The following NRXN3 variants were observed in gnomAD, a reference collection of about 807,000 sequenced individuals.
NRXN3 encodes the protein neurexin 3.
In NRXN3, 32 loss-of-function variants were observed where a neutral mutation model predicts 137.6. That is an observed-to-expected ratio of 0.23 (90% CI 0.18 to 0.31). NRXN3 has a LOEUF of 0.31. Among genes scored for constraint, NRXN3 ranks in the 10% least tolerant of loss-of-function variants. The pLI is 1.00. For synonymous variants in NRXN3, 798 were observed against 784.5 expected (o/e 1.02, Z -0.29); for missense variants, 1,574 against 2,062.5 (o/e 0.76, Z 4.59).
intron 4 of NRXN3, among the ~76,000 whole-genome samples, chr14:78,411,488 G>A (rs904113634): frequency 2.0e-5 from 3 of 152,264 alleles, no homozygotes; most frequent in Admixed American, 6.5e-5. Context: ...TCCACATGGG[G>A]ATAATAATAC....
intron 6 of NRXN3, among the ~76,000 whole-genome samples, chr14:78,656,137 ATGCCAAGGACTG>A (rs1293179613): frequency 1.3e-5 from 2 of 152,162 alleles, no homozygotes; most frequent in Non-Finnish European, 2.9e-5. Flanking sequence ...AACCTATAAT[ATGCCAAGGACTG>A]TGCTAAAATA....
At chr14:79,121,750 C>A (rs1278971730) in intron 15 of NRXN3, among the ~76,000 whole-genome samples, 1 of 152,112 alleles carries the variant, frequency 6.6e-6, no homozygotes, top group Non-Finnish European at 1.5e-5. Context: ...CTAATGTGGA[C>A]TGAAGAACTA....
intron 15 of NRXN3, among the ~76,000 whole-genome samples, chr14:79,465,866 C>G (rs569468641): frequency 2.0e-5 from 3 of 152,326 alleles, no homozygotes; most frequent in African/African-American, 7.2e-5. Flanking sequence ...ATGGGTAACA[C>G]CACTTGCCTA....
chr14:78,869,381 A>G (rs2099095805), intron 10 of NRXN3, among the ~76,000 whole-genome samples: 2 of 152,122 alleles, frequency 1.3e-5, no homozygotes, highest in South Asian at 4.1e-4. Context: ...ACCATCATCC[A>G]GATTATTTAA....
chr14:78,171,359 T>TGC (rs1338330691), intron 1 of NRXN3, among the ~76,000 whole-genome samples: 9 of 151,642 alleles, frequency 5.9e-5, no homozygotes, highest in Non-Finnish European at 8.8e-5. Context: ...TGTGTGTGTG[T>TGC]GCGCGGGTGT....
chr14:79,537,975 A>G (rs1235489674), intron 16 of NRXN3, among the ~76,000 whole-genome samples: 1 of 152,088 alleles, frequency 6.6e-6, no homozygotes, highest in African/African-American at 2.4e-5. Context: ...CTTTTTAATG[A>G]TTACCATTCT....
rs567896290 is a variant in NRXN3, at chr14:78,223,948, G to A, written c.-703-18443G>A. Among the ~76,000 whole-genome samples the A allele has an allele frequency of 2.0e-5, 3 of 152,288 alleles. No individual in the cohort carries two copies. The East Asian group carries it at 5.8e-4, about 29-fold the overall frequency. ...GGCGTATTGAGAATGGCCATGGATGGTTGAGAACTAGGCACGGGGATCAAG... is the reference window on the plus strand; with the variant it reads ...GGCGTATTGAGAATGGCCATGGATGATTGAGAACTAGGCACGGGGATCAAG... On this transcript the variant is annotated intron_variant, in intron 1 of 20. Coordinates refer to ENST00000335750, the MANE Select transcript of NRXN3 (RefSeq NM_001330195.2).
chr14:79,174,963 T>A (rs1441360902), intron 15 of NRXN3, among the ~76,000 whole-genome samples: 1 of 145,270 alleles, frequency 6.9e-6, no homozygotes, highest in Admixed American at 7.4e-5. Flanking sequence ...GTAAAATAAC[T>A]TAGAATTCAG....
intron 15 of NRXN3, among the ~76,000 whole-genome samples, chr14:79,153,658 C>G (rs1466989821): frequency 1.3e-5 from 2 of 151,970 alleles, no homozygotes. Flanking sequence ...GGAGAACATA[C>G]AGCTAAAGAT....
At chr14:78,940,205 C>T (rs542580176) in intron 10 of NRXN3, among the ~76,000 whole-genome samples, 4 of 152,258 alleles carry the variant, frequency 2.6e-5, no homozygotes, top group East Asian at 1.9e-4. Context: ...AATCTCTATA[C>T]GTGGCAGTTT....
At chr14:78,697,957 G>T (rs1352516058) in intron 6 of NRXN3, 1 of 152,062 alleles carries the variant, frequency 6.6e-6, no homozygotes, top group Admixed American at 6.6e-5. Flanking sequence ...AGAAGCAGAA[G>T]TGCTTCACAG....
intron 15 of NRXN3, among the ~76,000 whole-genome samples, chr14:79,145,062 G>T (rs2059161218): frequency 6.6e-6 from 1 of 152,100 alleles, no homozygotes; most frequent in African/African-American, 2.4e-5. Context: ...CTGTGTGGGA[G>T]ACTCTTTAGA....
intron 1 of NRXN3, among the ~76,000 whole-genome samples, chr14:78,236,319 C>T (rs1051107719): frequency 6.6e-5 from 10 of 152,146 alleles, no homozygotes; most frequent in African/African-American, 2.4e-4. Context: ...TGCCTCTTTT[C>T]GGTTTACATA....
At chr14:79,761,672 G>A (rs934160629) in intron 19 of NRXN3, among the ~76,000 whole-genome samples, 159 of 111,134 alleles carry the variant, frequency 1.4e-3, no homozygotes, top group African/African-American at 8.7e-4. Flanking sequence ...GCAACAAAGC[G>A]AGACTCTGTC....
At chr14:78,904,819 C>CTGAGGA (rs2099209983) in intron 10 of NRXN3, among the ~76,000 whole-genome samples, 1 of 150,306 alleles carries the variant, frequency 6.7e-6, no homozygotes, top group Non-Finnish European at 1.5e-5. Context: ...CGTCTCCAAT[C>CTGAGGA]AGTTACTGAA....
chr14:79,657,651 G>A (rs1213957254), intron 16 of NRXN3, among the ~76,000 whole-genome samples: 6 of 152,088 alleles, frequency 3.9e-5, no homozygotes, highest in Admixed American at 1.3e-4. Flanking sequence ...ACACTTAATA[G>A]CCACAAAAAG....
chr14:79,081,881 A>G (rs1270181460), intron 15 of NRXN3, among the ~76,000 whole-genome samples: 1 of 152,098 alleles, frequency 6.6e-6, no homozygotes, highest in Non-Finnish European at 1.5e-5. Context: ...TGGATTGTCA[A>G]TACCAATGCC....
intron 16 of NRXN3, among the ~76,000 whole-genome samples, chr14:79,534,816 G>A (rs2097197820): frequency 1.3e-5 from 2 of 152,180 alleles, no homozygotes; most frequent in Admixed American, 1.3e-4. Context: ...GTATGACAAT[G>A]AATCAGGAAA....
chr14:79,263,963 T>G (rs2078036552), intron 15 of NRXN3, among the ~76,000 whole-genome samples: 1 of 152,246 alleles, frequency 6.6e-6, no homozygotes, highest in African/African-American at 2.4e-5. Context: ...TCTCTGGATC[T>G]GAATTTCTTC....
Sources: gnomAD v4.1 joint callset for allele counts (sites outside exome capture counted in the v4.1 genomes callset) on GRCh38, gnomAD v4.1.1 for gene constraint, MANE v1.5 for transcripts, NCBI Gene and HGNC (gene_info 2026-07-23, HGNC 2026-07-21) for gene names.